Variants in IBTK observed in about 807,000 individuals in gnomAD.
IBTK encodes the protein BTK-binding protein.
In IBTK, 83 loss-of-function variants were observed where a neutral mutation model predicts 154.9. The ratio of observed to expected loss-of-function variants is 0.54; its 90% CI spans 0.45 to 0.64. IBTK has a LOEUF of 0.64. Ranked by LOEUF, IBTK falls within the 30% of genes least tolerant of loss-of-function variation. IBTK has a pLI of 0.00. For synonymous variants in IBTK, 515 were observed against 536.1 expected (o/e 0.96, Z 0.54); for missense variants, 1,332 against 1,584.6 (o/e 0.84, Z 2.71).
chr6:82,233,215 T>C (rs1050307768), intron 3 of IBTK, among the ~76,000 whole-genome samples: 8 of 150,160 alleles, frequency 5.3e-5, no homozygotes, highest in Non-Finnish European at 1.0e-4. Flanking sequence ...TATTCCCAGC[T>C]ACTTGGAGGG....
In IBTK at chr6:82,220,662, C is replaced by T. The variant is rs1770061928; in HGVS notation, c.1176G>A (p.Lys392=). 2 of 1,610,356 alleles carry T rather than the reference C, an allele frequency of 1.2e-6. No individual in the cohort carries two copies. The highest frequency in any genetic ancestry group is 2.2e-5 in the East Asian group (1 of 44,636). The change falls in exon 9 of 29, where the codon AAG becomes AAA. Residue 392 remains lysine (K), a synonymous_variant. Coordinates refer to ENST00000306270, the MANE Select transcript of IBTK (RefSeq NM_015525.4). Reference sequence around the variant, plus strand: ...TTTCTTTCAAATGTTCAGGATCAACCTTGTATTCCATATGACCCCCAGACA... The same window carrying T: ...TTTCTTTCAAATGTTCAGGATCAACTTTGTATTCCATATGACCCCCAGACA... ...VLVSGGHMEY[K]VDPEHLKENG... is the part of the protein sequence containing the mutation.
intron 22 of IBTK, 98 bp from the exon 23 acceptor site, chr6:82,194,740 G>T (rs1768917302): frequency 3.7e-6 from 3 of 801,188 alleles, no homozygotes; most frequent in East Asian, 6.5e-5. Context: ...TTATAATGAA[G>T]AATAAAATCT....
At chr6:82,230,319 G>C (rs1047705361) in intron 4 of IBTK, among the ~76,000 whole-genome samples, 2 of 152,196 alleles carry the variant, frequency 1.3e-5, no homozygotes, top group African/African-American at 4.8e-5. Context: ...TGTAGGAAAT[G>C]TAAGTTGAAA....
At position 82,220,693 on chromosome 6, in the gene IBTK, A is replaced by G. The variant is rs146467669; in HGVS notation, c.1145T>C (p.Val382Ala). 2 of 1,594,130 alleles carry G rather than the reference A, an allele frequency of 1.3e-6. No individual in the cohort carries two copies. The highest frequency in any genetic ancestry group is 1.7e-6 in the Non-Finnish European group (2 of 1,173,844). Residue 382 changes from valine (V) to alanine (A), a missense_variant, in exon 9 of 29, where the codon GTT becomes GCT. Physicochemically the swap from Val to Ala is moderately conservative, Grantham distance 64. Coordinates refer to ENST00000306270, the MANE Select transcript of IBTK (RefSeq NM_015525.4). ...MASKQLNLKK[V>A]LVSGGHMEYK... is the part of the protein sequence containing the mutation. ...TTCCATATGACCCCCAGACACAAGA[A>G]CTTTTTTCAAGTTCAACTGTCTAGA...
intron 16 of IBTK, among the ~76,000 whole-genome samples, chr6:82,209,132 T>C (rs1304164840): frequency 1.3e-5 from 2 of 152,096 alleles, no homozygotes; most frequent in African/African-American, 2.4e-5. Context: ...ACACTGTTAG[T>C]GGTTAAGTTA....
At chr6:82,200,559 AAG>A in intron 20 of IBTK, 26 bp downstream of exon 20, 1 of 1,486,776 alleles carries the variant, frequency 6.7e-7, no homozygotes, top group Non-Finnish European at 9.0e-7. Flanking sequence ...AAAGGAGGAA[AAG>A]AAAAAAAAAA....
intron 1 of IBTK, among the ~76,000 whole-genome samples, chr6:82,245,555 T>TA (rs918036367): frequency 0.015 from 2,174 of 143,562 alleles, 50 homozygotes; most frequent in African/African-American, 0.049. Context: ...AGACTCCTTC[T>TA]AAAAAAAAAA....
At chr6:82,179,967 T>A (rs1768251398) in intron 26 of IBTK, among the ~76,000 whole-genome samples, 2 of 65,574 alleles carry the variant, frequency 3.0e-5, no homozygotes, top group African/African-American at 1.2e-4. Flanking sequence ...GAGAGATAAC[T>A]CTTCTATGAC....
At chr6:82,233,842 T>C (rs1356780163) in intron 3 of IBTK, among the ~76,000 whole-genome samples, 1 of 151,186 alleles carries the variant, frequency 6.6e-6, no homozygotes, top group Non-Finnish European at 1.5e-5. Flanking sequence ...GCCTCTAAGA[T>C]TGCCTAGAGG....
At chr6:82,225,184 C>T (rs941989942) in intron 6 of IBTK, among the ~76,000 whole-genome samples, 1 of 151,410 alleles carries the variant, frequency 6.6e-6, no homozygotes, top group Non-Finnish European at 1.5e-5. Flanking sequence ...GTGGTGTGTG[C>T]CTGTAATCCC....
intron 1 of IBTK, among the ~76,000 whole-genome samples, chr6:82,244,613 G>A (rs896464971): frequency 4.0e-5 from 6 of 151,782 alleles, no homozygotes; most frequent in Admixed American, 1.3e-4. Context: ...TAACTCTACC[G>A]TACACATGAT....
intron 8 of IBTK, among the ~76,000 whole-genome samples, chr6:82,223,233 C>G (rs1770163891): frequency 6.6e-6 from 1 of 152,116 alleles, no homozygotes; most frequent in Admixed American, 6.6e-5. Context: ...AGAAATACCA[C>G]TTTACAATTT....
intron 26 of IBTK, chr6:82,175,121 T>C (rs1282881605): frequency 3.1e-6 from 1 of 322,292 alleles, no homozygotes; most frequent in Non-Finnish European, 6.2e-6. Context: ...TATCTCAGTG[T>C]CCACCAGAAT....
At chr6:82,237,449 G>T (rs1562108517) in intron 2 of IBTK, among the ~76,000 whole-genome samples, 1 of 150,498 alleles carries the variant, frequency 6.6e-6, no homozygotes, top group Non-Finnish European at 1.5e-5. Context: ...TCCCTGGGGG[G>T]GAAAAAAAAA....
chr6:82,241,292 T>C (rs951178423), intron 1 of IBTK, among the ~76,000 whole-genome samples: 6 of 152,126 alleles, frequency 3.9e-5, no homozygotes, highest in Non-Finnish European at 5.9e-5. Context: ...CGCTTAAATC[T>C]ACCATCTTTC....
chr6:82,225,636 A>G lies in IBTK; in HGVS notation c.666T>C (p.Leu222=). The change falls in exon 6 of 29, where the codon CTT becomes CTC. Residue 222 remains leucine (L), a synonymous_variant. Transcript: ENST00000306270. ...GDEQTCLVPR[L]VEGLNGHNCS... ...AATTATGACCATTCAGTCCTTCCAC[A>G]AGCCGAGGGACCTACAAAATAAAAT... is the stretch of plus-strand genomic sequence containing the variant. The G allele has an allele frequency of 6.2e-7, 1 of 1,608,144 alleles. No individual in the cohort carries two copies. Among genetic ancestry groups the G allele is most frequent in the Non-Finnish European group, 8.5e-7 (1 of 1,178,294 alleles).
At position 82,240,455 on chromosome 6, in the gene IBTK, T is replaced by C. The variant is rs763876790; in HGVS notation, c.32A>G (p.Lys11Arg). The change falls in exon 2 of 29, where the codon AAG becomes AGG. Residue 11 changes from lysine to arginine, a missense_variant. Physicochemically the swap from Lys to Arg is conservative, Grantham distance 26 (BLOSUM62 2). Transcript: ENST00000306270. MSSPMPDCTS[K>R]CRSLKHALDV... ...CAAAGCATGCTTCAGGGATCGACAC[T>C]TTGATGTGCAGTCAGGCATGGGTGA... 19 of 1,613,832 alleles carry C rather than the reference T, an allele frequency of 1.2e-5. No individual in the cohort carries two copies. The highest frequency in any genetic ancestry group is 1.5e-5 in the Non-Finnish European group (18 of 1,179,992).
At chr6:82,222,194 T>C (rs538425954) in intron 8 of IBTK, among the ~76,000 whole-genome samples, 1 of 151,968 alleles carries the variant, frequency 6.6e-6, no homozygotes, top group East Asian at 1.9e-4. Flanking sequence ...AAAGTAATTG[T>C]TACTCAAAGA....
intron 16 of IBTK, among the ~76,000 whole-genome samples, chr6:82,207,689 A>G (rs575312012): frequency 3.9e-5 from 6 of 152,196 alleles, no homozygotes; most frequent in Non-Finnish European, 5.9e-5. Flanking sequence ...ACAACTTACA[A>G]CAAAGCAATG....
Sources: gnomAD v4.1 joint callset for allele counts (sites outside exome capture counted in the v4.1 genomes callset) on GRCh38, gnomAD v4.1.1 for gene constraint, MANE v1.5 for transcripts, NCBI Gene and HGNC (gene_info 2026-07-23, HGNC 2026-07-21) for gene names.